Variants in FARS2 observed in about 807,000 individuals in gnomAD.
FARS2 encodes the protein phenylalanine--tRNA ligase, mitochondrial.
A neutral mutation model predicts 46.4 loss-of-function variants in FARS2; 40 were observed. That is an observed-to-expected ratio of 0.86 (90% CI 0.67 to 1.12). The LOEUF is 1.12. Ranked by LOEUF, FARS2 falls within the 50% of genes most tolerant of loss-of-function variation. The pLI, the probability that FARS2 is intolerant of heterozygous loss-of-function variation, is 0.00. For synonymous variants in FARS2, 234 were observed against 214.9 expected, an observed-to-expected ratio of 1.09 and a Z score of -0.78; for missense variants, 513 against 567.9, an observed-to-expected ratio of 0.90 and a Z score of 0.98.
At chr6:5,310,215 C>A in intron 1 of FARS2, among the ~76,000 whole-genome samples, 1 of 151,900 alleles carries the variant, frequency 6.6e-6, no homozygotes, top group East Asian at 1.9e-4. Flanking sequence ...TTATTTCATT[C>A]TTTATACCCA....
At chr6:5,747,121 A>G (rs1342066854) in intron 6 of FARS2, among the ~76,000 whole-genome samples, 1 of 152,178 alleles carries the variant, frequency 6.6e-6, no homozygotes, top group African/African-American at 2.4e-5. Flanking sequence ...GGTACCATGG[A>G]CACCAGCCAA....
At chr6:5,542,497 G>A (rs1770698100) in intron 4 of FARS2, among the ~76,000 whole-genome samples, 1 of 151,988 alleles carries the variant, frequency 6.6e-6, no homozygotes, top group Non-Finnish European at 1.5e-5. Context: ...TCATGTTTTG[G>A]GTTGGATAAT....
At chr6:5,397,799 TCTTC>T (rs35394307) in intron 2 of FARS2, among the ~76,000 whole-genome samples, 24,833 of 152,058 alleles carry the variant, frequency 0.16, 2,711 homozygotes, top group East Asian at 0.48. Flanking sequence ...AGTTACTCAG[TCTTC>T]CTTTGTTTAT....
At chr6:5,705,011 AATTATT>A (rs965463001) in intron 6 of FARS2, among the ~76,000 whole-genome samples, 1 of 152,166 alleles carries the variant, frequency 6.6e-6, no homozygotes, top group African/African-American at 2.4e-5. Flanking sequence ...TAGTTCTCAA[AATTATT>A]ATTATTAATA....
In FARS2 at chr6:5,677,175, A is replaced by G. The variant is rs1778809481; in HGVS notation, c.1217+63855A>G. 2.0e-5 allele frequency among the ~76,000 whole-genome samples: 3 copies of G among 152,214 alleles called. No individual in the cohort carries two copies. The South Asian group carries it at 6.2e-4, about 32-fold the overall frequency. ...TTCATATAAATTTGTGAATCATAAC[A>G]AATTCTTGAGCAAACCATGTGTCTT... is the stretch of plus-strand genomic sequence containing the variant. On this transcript the variant is annotated intron_variant, in intron 6 of 6. Transcript: ENST00000274680.
intron 5 of FARS2, among the ~76,000 whole-genome samples, chr6:5,601,774 G>A (rs1339911363): frequency 6.6e-6 from 1 of 152,094 alleles, no homozygotes; most frequent in African/African-American, 2.4e-5. Flanking sequence ...GAAGTGGCTG[G>A]CACAGTCTCT....
chr6:5,326,374 A>G (rs1304576517), intron 1 of FARS2, among the ~76,000 whole-genome samples: 1 of 152,168 alleles, frequency 6.6e-6, no homozygotes, highest in Non-Finnish European at 1.5e-5. Context: ...CTTGGTGAGG[A>G]ACATCCACTT....
chr6:5,454,197 AT>A (rs34688392), intron 4 of FARS2, among the ~76,000 whole-genome samples: 48 of 144,064 alleles, frequency 3.3e-4, no homozygotes, highest in African/African-American at 4.6e-4. Flanking sequence ...TTCTCCCTCC[AT>A]TTTTTTTTTT....
intron 4 of FARS2, among the ~76,000 whole-genome samples, chr6:5,504,814 G>A (rs1768010987): frequency 6.6e-6 from 1 of 152,096 alleles, no homozygotes; most frequent in Admixed American, 6.6e-5. Flanking sequence ...TTGCCTTAAT[G>A]TATGTGGACT....
Position 5,692,788 on chromosome 6 carries a change from G to A in FARS2, c.1218-78503G>A, listed in dbSNP as rs145190899. ...AACATGTGGGATATGATGTGTGTGC[G>A]TCACTATTTTTATATCCTTGTATGT... On this transcript the variant is annotated intron_variant, in intron 6 of 6. Coordinates refer to ENST00000274680, the MANE Select transcript of FARS2 (RefSeq NM_006567.5). 1.4e-4 allele frequency among the ~76,000 whole-genome samples: 22 copies of A among 152,256 alleles called. No individual in the cohort carries two copies. The East Asian group carries it at 2.3e-3, about 16-fold the overall frequency.
At chr6:5,739,082 T>C (rs1332461345) in intron 6 of FARS2, among the ~76,000 whole-genome samples, 1 of 152,170 alleles carries the variant, frequency 6.6e-6, no homozygotes, top group African/African-American at 2.4e-5. Context: ...TCTCTATAAT[T>C]TTGTCCCTTT....
At chr6:5,269,834 T>C (rs1389385293) in intron 1 of FARS2, among the ~76,000 whole-genome samples, 1 of 152,236 alleles carries the variant, frequency 6.6e-6, no homozygotes, top group Non-Finnish European at 1.5e-5. Context: ...CAATAGAAGA[T>C]ATACAGAGAA....
intron 1 of FARS2, among the ~76,000 whole-genome samples, chr6:5,347,174 G>A (rs1220737590): frequency 6.6e-6 from 1 of 152,096 alleles, no homozygotes; most frequent in Non-Finnish European, 1.5e-5. Context: ...TTGGCCCCCC[G>A]AAGTGTGGGG....
At chr6:5,577,546 C>T (rs1268673720) in intron 5 of FARS2, among the ~76,000 whole-genome samples, 1 of 152,076 alleles carries the variant, frequency 6.6e-6, no homozygotes, top group Non-Finnish European at 1.5e-5. Context: ...AGAAGATTAG[C>T]CTGGAATATC....
intron 6 of FARS2, among the ~76,000 whole-genome samples, chr6:5,752,776 A>T (rs1468870172): frequency 6.6e-6 from 1 of 152,154 alleles, no homozygotes; most frequent in Non-Finnish European, 1.5e-5. Flanking sequence ...GGGCCCAGGG[A>T]TGGAAGGCAG....
intron 1 of FARS2, among the ~76,000 whole-genome samples, chr6:5,305,559 C>T (rs1444414569): frequency 6.6e-6 from 1 of 152,138 alleles, no homozygotes; most frequent in African/African-American, 2.4e-5. Context: ...TATATAACCA[C>T]CCAAAACATT....
intron 6 of FARS2, among the ~76,000 whole-genome samples, chr6:5,707,176 G>C (rs1207847725): frequency 1.3e-5 from 2 of 152,038 alleles, no homozygotes; most frequent in Non-Finnish European, 2.9e-5. Flanking sequence ...GCAGTTTCCT[G>C]TTGATCCCTG....
At chr6:5,644,695 A>G (rs962241561) in intron 6 of FARS2, among the ~76,000 whole-genome samples, 4 of 152,244 alleles carry the variant, frequency 2.6e-5, no homozygotes, top group African/African-American at 9.6e-5. Flanking sequence ...GAAAGCTTGG[A>G]CATTCTGAAG....
At chr6:5,495,471 C>A (rs1425698634) in intron 4 of FARS2, among the ~76,000 whole-genome samples, 1 of 152,166 alleles carries the variant, frequency 6.6e-6, no homozygotes, top group Non-Finnish European at 1.5e-5. Flanking sequence ...GAAATGGGAA[C>A]ACTTCCTCTG....
Sources: allele counts gnomAD v4.1 joint callset (sites outside exome capture counted in the v4.1 genomes callset), GRCh38; gene constraint gnomAD v4.1.1; transcripts MANE v1.5; gene names NCBI Gene and HGNC (gene_info 2026-07-23, HGNC 2026-07-21).